The following SLC22A23 variants were observed in gnomAD, a reference collection of about 807,000 sequenced individuals.
SLC22A23 encodes the protein ion transporter protein.
SLC22A23 carries 26 observed loss-of-function variants against 61.0 expected under a neutral mutation model. The ratio of observed to expected loss-of-function variants is 0.43; its 90% CI spans 0.31 to 0.59. The LOEUF is 0.59. Ranked by LOEUF, SLC22A23 falls within the 20% of genes least tolerant of loss-of-function variation. SLC22A23 has a pLI of 0.11. For missense variants in SLC22A23, 796 were observed against 934.7 expected, an observed-to-expected ratio of 0.85 and a Z score of 1.94; for synonymous variants, 430 against 413.9, an observed-to-expected ratio of 1.04 and a Z score of -0.47.
At chr6:3,284,760 C>T (rs924889738) in intron 8 of SLC22A23, among the ~76,000 whole-genome samples, 1 of 152,236 alleles carries the variant, frequency 6.6e-6, no homozygotes, top group Admixed American at 6.5e-5. Flanking sequence ...CTCCCCCCAC[C>T]CAGACAACTG....
rs1054891539 is a variant in SLC22A23, at chr6:3,329,901, G to C, written c.914-5899C>G. 2.0e-5 allele frequency among the ~76,000 whole-genome samples: 3 copies of C among 152,224 alleles called. No homozygotes were observed. The highest frequency in any genetic ancestry group is 4.4e-5 in the Non-Finnish European group (3 of 68,018). On this transcript the variant is annotated intron_variant, in intron 3 of 9. Transcript: ENST00000406686. This position sits in a 1 kb window ranked among gnomAD's most constrained non-coding sequence, Gnocchi z 4.8. ...GGTGAGACGGGCTCAGGAAAGGACAGCGTCTGCCCACACTGCTCAGGCTCC... is the reference window on the plus strand; with the variant it reads ...GGTGAGACGGGCTCAGGAAAGGACACCGTCTGCCCACACTGCTCAGGCTCC...
rs546565961 is a variant in SLC22A23, at chr6:3,390,383, C to A, written c.913+19805G>T. Among the ~76,000 whole-genome samples, 21 of 152,252 alleles carry A rather than the reference C, an allele frequency of 1.4e-4. No homozygotes were observed. Among genetic ancestry groups the A allele is most frequent in the Non-Finnish European group, 2.8e-4 (19 of 68,016 alleles). ...TAGATCCTGCATCCCTCTTCTCTGC[C>A]CCACTCTCCCTCTCTCCTCCCTCCC... On this transcript the variant is annotated intron_variant, in intron 3 of 9. Coordinates refer to ENST00000406686, the MANE Select transcript of SLC22A23 (RefSeq NM_015482.2). This position sits in a 1 kb window ranked among gnomAD's most constrained non-coding sequence, Gnocchi z 4.0.
intron 4 of SLC22A23, among the ~76,000 whole-genome samples, chr6:3,305,373 C>T (rs1047284494): frequency 6.6e-6 from 1 of 152,220 alleles, no homozygotes; most frequent in African/African-American, 2.4e-5. Context: ...AGTTGGGAAG[C>T]AGTGTTCCAG....
chr6:3,282,105 A>G, intron 9 of SLC22A23: 1 of 666,558 alleles, frequency 1.5e-6, no homozygotes, highest in Non-Finnish European at 2.7e-6. Context: ...CAAAATATGC[A>G]TAATCATGCA....
In SLC22A23 at chr6:3,456,530, C is replaced by T; in HGVS notation, c.30G>A (p.Ala10=). The T allele has an allele frequency of 3.0e-6, 3 of 986,368 alleles. No individual in the cohort carries two copies. The highest frequency in any genetic ancestry group is 1.1e-4 in the East Asian group (1 of 8,886). The allele number at this position is 986,368 out of a possible 1,614,324, so 61.1% of individuals were successfully genotyped here. A position where few individuals can be genotyped will look rare whatever the true frequency, so the allele number is the denominator to read the frequency against. Residue 10 remains alanine, a synonymous_variant, in exon 1 of 10, where the codon GCG becomes GCA. Coordinates refer to ENST00000406686, the MANE Select transcript of SLC22A23 (RefSeq NM_015482.2). This position sits in a 1 kb window ranked among gnomAD's most constrained non-coding sequence, Gnocchi z 7.1. Reference sequence around the variant, plus strand: ...CCGGCTGCCGCCCAGGCCCGCCGCCCGCCGCCTCGCGCCGCCGGTCTATGG... The same window carrying T: ...CCGGCTGCCGCCCAGGCCCGCCGCCTGCCGCCTCGCGCCGCCGGTCTATGG... The part of the protein sequence containing the change: MAIDRRREA[A]GGGPGRQPAP...
At chr6:3,279,591 A>G (rs887713949) in intron 9 of SLC22A23, among the ~76,000 whole-genome samples, 5 of 148,066 alleles carry the variant, frequency 3.4e-5, no homozygotes, top group African/African-American at 1.2e-4. Context: ...TTGGTATGCC[A>G]TTTTTGGCTT....
rs1763322193 is a variant in SLC22A23, at chr6:3,327,048, ACGGGGAC to A, written c.914-3053_914-3047del. Reference sequence around the variant, plus strand: ...AGGTGGATCGTTTCTGCTGGGAGGGACGGGGACTGCAGGTGGATCGTTTCTGCTGGGA... The same window carrying A: ...AGGTGGATCGTTTCTGCTGGGAGGGATGCAGGTGGATCGTTTCTGCTGGGA... On this transcript the variant is annotated intron_variant, in intron 3 of 9. Transcript: ENST00000406686. The surrounding 1 kb of genome is among the most constrained non-coding windows in gnomAD (Gnocchi z 4.1). 3.4e-5 allele frequency among the ~76,000 whole-genome samples: 5 copies of A among 148,382 alleles called. No individual in the cohort carries two copies. The highest frequency in any genetic ancestry group is 1.2e-4 in the African/African-American group (5 of 40,044).
Position 3,283,917 on chromosome 6 carries a change from A to C in SLC22A23, c.1638T>G (p.Phe546Leu), listed in dbSNP as rs1759721460. ...TGAGGCTCCCCACCGCATGGGAGGC[A>C]AACATGCCCACGATGGAAAACGCGA... ...FSIAFSIVGM[F>L]ASHAVGSLSV... Residue 546 changes from phenylalanine to leucine, a missense_variant, in exon 9 of 10, where the codon TTT becomes TTG. Coordinates refer to ENST00000406686, the MANE Select transcript of SLC22A23 (RefSeq NM_015482.2). 6.2e-7 allele frequency: 1 copy of C among 1,610,864 alleles called. No individual in the cohort carries two copies. Among genetic ancestry groups the C allele is most frequent in the Non-Finnish European group, 8.5e-7 (1 of 1,177,388 alleles).
chr6:3,287,145 C>A lies in SLC22A23; in HGVS notation c.1314-54G>T. ...TGGGCTGCCCCCATGCCAGGGGCTG[C>A]GCTGCCTCCTGGGAGTTCGTGCTGT... On this transcript the variant is annotated intron_variant, in intron 6 of 9. Coordinates refer to ENST00000406686, the MANE Select transcript of SLC22A23 (RefSeq NM_015482.2). 2.6e-6 allele frequency: 4 copies of A among 1,547,920 alleles called. No individual in the cohort carries two copies. The South Asian group carries it at 4.6e-5, about 18-fold the overall frequency.
At chr6:3,277,635 G>C (rs780748403) in intron 9 of SLC22A23, among the ~76,000 whole-genome samples, 2 of 152,160 alleles carry the variant, frequency 1.3e-5, no homozygotes, top group Non-Finnish European at 2.9e-5. Context: ...ATAGACACCA[G>C]ATGTTTCCAG....
At chr6:3,287,291 T>G (rs772034343) in intron 6 of SLC22A23, among the ~76,000 whole-genome samples, 200 bp from the exon 7 acceptor site, 29 of 152,208 alleles carry the variant, frequency 1.9e-4, no homozygotes, top group Admixed American at 3.3e-4. Context: ...ATGGAATGCT[T>G]CTCCTGATGG....
At chr6:3,285,642 G>A (rs1002029397) in intron 7 of SLC22A23, among the ~76,000 whole-genome samples, 8 of 152,206 alleles carry the variant, frequency 5.3e-5, no homozygotes, top group Admixed American at 2.0e-4. Flanking sequence ...GCTGGGGAAC[G>A]GGGATGGAGG....
At position 3,390,399 on chromosome 6, in the gene SLC22A23, C is replaced by T. The variant is rs1344481800; in HGVS notation, c.913+19789G>A. Among the ~76,000 whole-genome samples, 2 of 152,144 alleles carry T rather than the reference C, an allele frequency of 1.3e-5. No homozygotes were observed. Among genetic ancestry groups the T allele is most frequent in the African/African-American group, 4.8e-5 (2 of 41,430 alleles). On this transcript the variant is annotated intron_variant, in intron 3 of 9. Transcript: ENST00000406686. This position sits in a 1 kb window ranked among gnomAD's most constrained non-coding sequence, Gnocchi z 4.0. ...CTTCTCTGCCCCACTCTCCCTCTCT[C>T]CTCCCTCCCCAAAGTCCAATTAAGT...
At position 3,309,402 on chromosome 6, in the gene SLC22A23, G is replaced by A. The variant is rs1762214558; in HGVS notation, c.1083-11184C>T. Among the ~76,000 whole-genome samples, 2 of 152,202 alleles carry A rather than the reference G, an allele frequency of 1.3e-5. No individual in the cohort carries two copies. Among genetic ancestry groups the A allele is most frequent in the Non-Finnish European group, 2.9e-5 (2 of 68,030 alleles). On this transcript the variant is annotated intron_variant, in intron 4 of 9. Coordinates refer to ENST00000406686, the MANE Select transcript of SLC22A23 (RefSeq NM_015482.2). The surrounding 1 kb of genome is among the most constrained non-coding windows in gnomAD (Gnocchi z 4.7). Reference sequence around the variant, plus strand: ...ACTCAGTCCACTCACTGAAAACACAGACTTGCTTCACAGAGGCGCGCCCAG... The same window carrying A: ...ACTCAGTCCACTCACTGAAAACACAAACTTGCTTCACAGAGGCGCGCCCAG...
intron 4 of SLC22A23, among the ~76,000 whole-genome samples, chr6:3,298,617 G>A (rs1433843392): frequency 2.0e-5 from 3 of 152,208 alleles, no homozygotes. Context: ...AATGTTCTAC[G>A]CCACTGTAGG....
chr6:3,307,846 G>C (rs1476615572), intron 4 of SLC22A23, among the ~76,000 whole-genome samples: 1 of 152,210 alleles, frequency 6.6e-6, no homozygotes, highest in Non-Finnish European at 1.5e-5. Context: ...TCCATCAATG[G>C]ATGAATGGAT....
rs566848332 is a variant in SLC22A23 at position 3,275,175 on chromosome 6, T to C, written c.1704-1763A>G. On this transcript the variant is annotated intron_variant, in intron 9 of 9. Transcript: ENST00000406686. ...GTTCAGAAACTAACCTTCACATTTATGGTCAACTGACTGTAGATGGAGGCA... is the reference window on the plus strand; with the variant it reads ...GTTCAGAAACTAACCTTCACATTTACGGTCAACTGACTGTAGATGGAGGCA... 3.3e-5 allele frequency among the ~76,000 whole-genome samples: 5 copies of C among 152,360 alleles called. No individual in the cohort carries two copies. The East Asian group carries it at 9.6e-4, about 29-fold the overall frequency.
At chr6:3,284,579 G>A (rs1395966712) in intron 8 of SLC22A23, among the ~76,000 whole-genome samples, 1 of 152,174 alleles carries the variant, frequency 6.6e-6, no homozygotes, top group Non-Finnish European at 1.5e-5. Context: ...ACTCTCCAGG[G>A]ACACGGGCGA....
chr6:3,408,008 T>C (rs1183075276), intron 3 of SLC22A23, among the ~76,000 whole-genome samples: 1 of 152,386 alleles, frequency 6.6e-6, no homozygotes, highest in East Asian at 1.9e-4. Flanking sequence ...CTGGCCAAAT[T>C]TGGCCCACCA....
Sources: allele counts gnomAD v4.1 joint callset (sites outside exome capture counted in the v4.1 genomes callset), GRCh38; gene constraint gnomAD v4.1.1; non-coding constraint Gnocchi (gnomAD v3.1); transcripts MANE v1.5; gene names NCBI Gene and HGNC (gene_info 2026-07-23, HGNC 2026-07-21).